The following SERPINB10 variants were observed in gnomAD, a reference collection of about 807,000 sequenced individuals.
The protein encoded by SERPINB10 is serpin B10.
Under a neutral mutation model 39.1 loss-of-function variants are expected in SERPINB10, and 35 were observed. The ratio of observed to expected loss-of-function variants is 0.90; its 90% confidence interval spans 0.68 to 1.19. The LOEUF (loss-of-function observed/expected upper bound fraction) is 1.19, where lower values mean the gene tolerates loss of function less well. Among genes scored for constraint, SERPINB10 ranks in the 50% most tolerant of loss-of-function variants. SERPINB10 has a pLI of 0.00. For synonymous variants in SERPINB10, 190 were observed against 158.1 expected, an observed-to-expected ratio of 1.20 and a Z score of -1.52; for missense variants, 546 against 460.5, an observed-to-expected ratio of 1.19 and a Z score of -1.70.
chr18:63,909,322 C>T lies in SERPINB10; in HGVS notation c.-10+1282C>T, dbSNP rs189919580. On this transcript the variant is annotated intron_variant, in intron 1 of 7. Transcript: ENST00000238508. ...CTTCTCTGAAAATATAATTGTCCAA[C>T]ATTTGTATGGAATAATTATTTCCTG... Among the ~76,000 whole-genome samples, 6 of 152,126 alleles carry T rather than the reference C, an allele frequency of 3.9e-5. No homozygotes were observed. The East Asian group carries it at 1.2e-3, about 29-fold the overall frequency.
chr18:63,916,091 C>A (rs181373674), intron 2 of SERPINB10, among the ~76,000 whole-genome samples: 1 of 151,932 alleles, frequency 6.6e-6, no homozygotes, highest in Non-Finnish European at 1.5e-5. Context: ...TTCTGTTTCT[C>A]ATGCTTTGTT....
Position 63,917,972 on chromosome 18 carries a change from A to C in SERPINB10, c.242A>C (p.Asn81Thr). The change falls in exon 4 of 8, where the codon AAC (asparagine) becomes ACC (threonine). Residue 81 changes from asparagine to threonine, a missense_variant. Coordinates refer to ENST00000238508, the MANE Select transcript of SERPINB10 (RefSeq NM_005024.3). ...GTTCCTTCTCTTTTAAAGGAATTCAACTTGAGCAACTCGGAAGAAATACAC... is the reference window on the plus strand; with the variant it reads ...GTTCCTTCTCTTTTAAAGGAATTCACCTTGAGCAACTCGGAAGAAATACAC... ...ESEKKRKMEF[N>T]LSNSEEIHSD... is the part of the protein sequence containing the mutation. 6.2e-7 allele frequency: 1 copy of C among 1,611,742 alleles called. No homozygotes were observed. The highest frequency in any genetic ancestry group is 8.5e-7 in the Non-Finnish European group (1 of 1,178,616).
intron 1 of SERPINB10, among the ~76,000 whole-genome samples, chr18:63,909,034 A>C (rs766886626): frequency 6.6e-6 from 1 of 152,048 alleles, no homozygotes; most frequent in Non-Finnish European, 1.5e-5. Context: ...TTAGCAGACA[A>C]AATGGGGGAG....
At position 63,933,167 on chromosome 18, in the gene SERPINB10, T is replaced by C; in HGVS notation, c.753T>C (p.Leu251=). 2 of 1,614,080 alleles carry C rather than the reference T, an allele frequency of 1.2e-6. No homozygotes were observed. Among genetic ancestry groups the C allele is most frequent in the Admixed American group, 1.7e-5 (1 of 60,016 alleles). Residue 251 remains leucine (L), a synonymous_variant, in exon 7 of 8, where the codon CTT becomes CTC. Coordinates refer to ENST00000238508, the MANE Select transcript of SERPINB10 (RefSeq NM_005024.3). ...ACAAAAGCCGTGACCTCAGCCTGCT[T>C]ATACTACTGCCAGAAGACATTAATG... The part of the protein sequence containing the change: ...LYYKSRDLSL[L]ILLPEDINGL...
At chr18:63,932,898 A>G in intron 6 of SERPINB10, 150 bp from the exon 7 acceptor site, 1 of 681,038 alleles carries the variant, frequency 1.5e-6, no homozygotes, top group Non-Finnish European at 2.5e-6. Flanking sequence ...TATTTCCATA[A>G]AGGAAGGTCT....
intron 1 of SERPINB10, among the ~76,000 whole-genome samples, chr18:63,910,779 T>C (rs1400304854): frequency 6.6e-6 from 1 of 151,976 alleles, no homozygotes; most frequent in Admixed American, 6.6e-5. Context: ...TGTGTGTGTG[T>C]GTCTCTTTGG....
At chr18:63,922,704 A>T (rs1400983209) in intron 5 of SERPINB10, among the ~76,000 whole-genome samples, 1 of 151,964 alleles carries the variant, frequency 6.6e-6, no homozygotes. Context: ...AAGGTACATA[A>T]CAAAATCCAG....
intron 6 of SERPINB10, among the ~76,000 whole-genome samples, chr18:63,932,317 T>G (rs901130625): frequency 6.6e-6 from 1 of 152,228 alleles, no homozygotes; most frequent in African/African-American, 2.4e-5. Context: ...GTTAACTTAG[T>G]AAGAAACTGC....
rs2050117721 is a variant in SERPINB10, at chr18:63,918,059, C to G, written c.329C>G (p.Thr110Arg). Reference protein sequence around the residue: ...LKPNDDYLLKTANAIYGEKTY... With the variant: ...LKPNDDYLLKRANAIYGEKTY... Reference sequence around the variant, plus strand: ...CCCAACGATGACTACTTACTTAAAACAGCCAATGCGATATATGGAGAGAAA... The same window carrying G: ...CCCAACGATGACTACTTACTTAAAAGAGCCAATGCGATATATGGAGAGAAA... Residue 110 changes from threonine to arginine, a missense_variant, in exon 4 of 8, where the codon ACA becomes AGA. Thr to Arg is a moderately conservative substitution (Grantham distance 71). Transcript: ENST00000238508. The G allele has an allele frequency of 6.2e-7, 1 of 1,612,454 alleles. No individual in the cohort carries two copies. Among genetic ancestry groups the G allele is most frequent in the Non-Finnish European group, 8.5e-7 (1 of 1,179,028 alleles).
At chr18:63,917,423 G>T in intron 2 of SERPINB10, 33 bp from the exon 3 acceptor site, 1 of 1,279,874 alleles carries the variant, frequency 7.8e-7, no homozygotes. Flanking sequence ...CTTCTCTGCA[G>T]TCTATTCATT....
chr18:63,933,068 A>C lies in SERPINB10; in HGVS notation c.654A>C (p.Gln218His), dbSNP rs749665863. Reference protein sequence around the residue: ...RINETTSKPVQMMFMKKKLHI... With the variant: ...RINETTSKPVHMMFMKKKLHI... ...TTTAGACTACAAGCAAACCAGTGCA[A>C]ATGATGTTTATGAAGAAAAAGCTTC... is the stretch of plus-strand genomic sequence containing the variant. Residue 218 changes from glutamine (Q) to histidine (H), a missense_variant, in exon 7 of 8, where the codon CAA (glutamine) becomes CAC (histidine). Gln to His is a conservative substitution (Grantham distance 24). Coordinates refer to ENST00000238508, the MANE Select transcript of SERPINB10 (RefSeq NM_005024.3). 3 of 1,613,892 alleles carry C rather than the reference A, an allele frequency of 1.9e-6. No individual in the cohort carries two copies. In the Admixed American group the frequency reaches 5.0e-5, roughly 27 times the overall value.
Position 63,917,928 on chromosome 18 carries a change from T to C in SERPINB10, c.235-37T>C, listed in dbSNP as rs766379722. The C allele has an allele frequency of 2.5e-6, 4 of 1,595,718 alleles. No individual in the cohort carries two copies. The South Asian group carries it at 4.4e-5, about 18-fold the overall frequency. The stretch of plus-strand genomic sequence containing the variant: ...TTGCTAACATGTACGTAACTCTTGT[T>C]CAACATTTTATTTGACTAGTTCCTT... On this transcript the variant is annotated intron_variant, in intron 3 of 7. Transcript: ENST00000238508.
chr18:63,930,112 C>A lies in SERPINB10; in HGVS notation c.558C>A (p.Ala186=). ...CAACCAGGATGATTCTGGTGAACGC[C>A]CTATACTTTAAAGGAATCTGGGAAC... is the stretch of plus-strand genomic sequence containing the variant. ...DSTTRMILVN[A]LYFKGIWEHQ... is the part of the protein sequence containing the mutation. The change falls in exon 6 of 8, where the codon GCC becomes GCA. Residue 186 remains alanine, a synonymous_variant. Transcript: ENST00000238508. 6.2e-7 allele frequency: 1 copy of A among 1,613,534 alleles called. No homozygotes were observed. Among genetic ancestry groups the A allele is most frequent in the Non-Finnish European group, 8.5e-7 (1 of 1,179,684 alleles).
chr18:63,929,167 T>G (rs1480075637), intron 5 of SERPINB10, among the ~76,000 whole-genome samples: 1 of 152,136 alleles, frequency 6.6e-6, no homozygotes, highest in African/African-American at 2.4e-5. Context: ...TAATTACAGC[T>G]TTCCACCTTC....
intron 5 of SERPINB10, among the ~76,000 whole-genome samples, chr18:63,929,542 A>G (rs1286417028): frequency 6.6e-6 from 1 of 152,038 alleles, no homozygotes; most frequent in Non-Finnish European, 1.5e-5. Flanking sequence ...TAGTGCTAAG[A>G]GAAATGTTCT....
intron 6 of SERPINB10, among the ~76,000 whole-genome samples, chr18:63,932,544 T>TA (rs933777538): frequency 6.6e-6 from 1 of 152,214 alleles, no homozygotes; most frequent in African/African-American, 2.4e-5. Context: ...TTTGCCCATT[T>TA]AAAAAAACTG....
At chr18:63,921,655 C>A (rs1249370282) in intron 5 of SERPINB10, among the ~76,000 whole-genome samples, 2 of 151,906 alleles carry the variant, frequency 1.3e-5, no homozygotes, top group Admixed American at 6.6e-5. Context: ...CAAATTAGAC[C>A]AGATAGGCCA....
At chr18:63,925,371 CCTT>C (rs1405785767) in intron 5 of SERPINB10, among the ~76,000 whole-genome samples, 2 of 151,902 alleles carry the variant, frequency 1.3e-5, no homozygotes, top group Non-Finnish European at 2.9e-5. Flanking sequence ...TTTCTAAACT[CCTT>C]CTTTCAAAAA....
At position 63,930,178 on chromosome 18, in the gene SERPINB10, A is replaced by C; in HGVS notation, c.624A>C (p.Arg208Ser). The change falls in exon 6 of 8, where the codon AGA becomes AGC. Residue 208 changes from arginine (R) to serine (S), a missense_variant. By Grantham distance (110) the Arg-to-Ser change is moderately radical. Transcript: ENST00000238508. ...AAAACACCACAGAAAAGCCTTTTAG[A>C]ATAAACGAGGTAGGAAATTTTTAAA... Reference protein sequence around the residue: ...LVQNTTEKPFRINETTSKPVQ... With the variant: ...LVQNTTEKPFSINETTSKPVQ... The C allele has an allele frequency of 6.2e-7, 1 of 1,612,674 alleles. No homozygotes were observed. The highest frequency in any genetic ancestry group is 2.2e-5 in the East Asian group (1 of 44,858).
Sources: gnomAD v4.1 joint callset for allele counts (sites outside exome capture counted in the v4.1 genomes callset) on GRCh38, gnomAD v4.1.1 for gene constraint, MANE v1.5 for transcripts, NCBI Gene and HGNC (gene_info 2026-07-23, HGNC 2026-07-21) for gene names.